SOCS6: variants seen among roughly 807,000 people sequenced by gnomAD.
SOCS6 encodes the protein STAT induced STAT inhibitor-4.
Under a neutral mutation model 27.7 loss-of-function variants are expected in SOCS6, and 5 were observed. That is an observed-to-expected ratio of 0.18 (90% confidence interval 0.09 to 0.38). The LOEUF is 0.38. Ranked by LOEUF, SOCS6 falls within the 10% of genes least tolerant of loss-of-function variation. The pLI is 1.00. For missense variants in SOCS6, 595 were observed against 688.1 expected (o/e 0.86, Z 1.51); for synonymous variants, 271 against 260.0 (o/e 1.04, Z -0.41).
chr18:70,312,053 T>C (rs1428471133), intron 1 of SOCS6, among the ~76,000 whole-genome samples: 1 of 152,262 alleles, frequency 6.6e-6, no homozygotes, highest in African/African-American at 2.4e-5. Context: ...TAGCCTAATA[T>C]AAGCCAGACA....
At position 70,328,544 on chromosome 18, in the gene SOCS6, A is replaced by G. The variant is rs1176751373; in HGVS notation, c.*2268A>G. ...ATTGTATTTTGTGTTTTAGTGGAGG[A>G]CAGTCTTGATACTGTTCTAATTCAG... is the stretch of plus-strand genomic sequence containing the variant. On this transcript the variant is annotated 3_prime_UTR_variant, in exon 2 of 2. Coordinates refer to ENST00000397942, the MANE Select transcript of SOCS6 (RefSeq NM_004232.4). The G allele has an allele frequency of 1.2e-5, 2 of 166,930 alleles. No homozygotes were observed. The highest frequency in any genetic ancestry group is 2.9e-5 in the Non-Finnish European group (2 of 68,114). The allele number at this position is 166,930 out of a possible 1,614,324, so 10.3% of individuals were successfully genotyped here.
chr18:70,320,953 A>G (rs919695409), intron 1 of SOCS6, among the ~76,000 whole-genome samples: 1 of 152,208 alleles, frequency 6.6e-6, no homozygotes, highest in Non-Finnish European at 1.5e-5. Context: ...TTATGTTAAC[A>G]TGTAATGAGT....
chr18:70,326,059 A>T lies in SOCS6; in HGVS notation c.1391A>T (p.Asp464Val), dbSNP rs957003320. The change falls in exon 2 of 2, where the codon GAC (aspartate) becomes GTC (valine). Residue 464 changes from aspartate (D) to valine (V), a missense_variant. Coordinates refer to ENST00000397942, the MANE Select transcript of SOCS6 (RefSeq NM_004232.4). The part of the protein sequence containing the change: ...IVDLIEHSIR[D>V]SENGAFCYSR... ...GATCTAATTGAGCATTCAATCAGGG[A>T]CTCTGAAAATGGAGCTTTTTGTTAT... The T allele has an allele frequency of 5.6e-6, 9 of 1,614,030 alleles. No homozygotes were observed. The highest frequency in any genetic ancestry group is 7.6e-6 in the Non-Finnish European group (9 of 1,180,018).
At chr18:70,310,421 A>G (rs959395923) in intron 1 of SOCS6, among the ~76,000 whole-genome samples, 7 of 145,862 alleles carry the variant, frequency 4.8e-5, no homozygotes, top group African/African-American at 1.8e-4. Flanking sequence ...AGCTGGGACT[A>G]TAGGTATTCG....
chr18:70,321,486 A>ATTTTTTTTTTTTTTTTTTTTTTTTT (rs765150837), intron 1 of SOCS6, among the ~76,000 whole-genome samples: 1 of 112,660 alleles, frequency 8.9e-6, no homozygotes, highest in African/African-American at 3.6e-5. Context: ...ATGCCTGGCT[A>ATTTTTTTTTTTTTTTTTTTTTTTTT]TTTTTTTTTT....
At chr18:70,289,515 C>T (rs1178257098) in intron 1 of SOCS6, among the ~76,000 whole-genome samples, 1 of 147,154 alleles carries the variant, frequency 6.8e-6, no homozygotes, top group Non-Finnish European at 1.5e-5. Flanking sequence ...GAGGCCGGGG[C>T]TCCGCGAGGC....
At chr18:70,306,342 C>T (rs535084618) in intron 1 of SOCS6, among the ~76,000 whole-genome samples, 7 of 151,444 alleles carry the variant, frequency 4.6e-5, no homozygotes, top group Non-Finnish European at 8.8e-5. Flanking sequence ...GGTGTGGTGG[C>T]GCACGCTACT....
rs1490464567 is a variant in SOCS6 at position 70,325,005 on chromosome 18, T to C, written c.337T>C (p.Phe113Leu). 1.2e-6 allele frequency: 2 copies of C among 1,613,500 alleles called. No individual in the cohort carries two copies. Among genetic ancestry groups the C allele is most frequent in the Non-Finnish European group, 1.7e-6 (2 of 1,179,770 alleles). The change falls in exon 2 of 2, where the codon TTT (phenylalanine) becomes CTT (leucine). Residue 113 changes from phenylalanine to leucine, a missense_variant. By Grantham distance (22) the Phe-to-Leu change is conservative (BLOSUM62 0). This residue lies in a region of SOCS6 where 467 missense variants were observed against 481.1 expected (regional missense o/e 0.97). Coordinates refer to ENST00000397942, the MANE Select transcript of SOCS6 (RefSeq NM_004232.4). The surrounding 1 kb of genome is among the most constrained non-coding windows in gnomAD (Gnocchi z 6.3). ...CTCCTCCTCCTCAGCACCCATAGTCTTTAAAGACGTGAGAGCTCAGAGGCC... is the reference window on the plus strand; with the variant it reads ...CTCCTCCTCCTCAGCACCCATAGTCCTTAAAGACGTGAGAGCTCAGAGGCC... ...TFSSSSAPIV[F>L]KDVRAQRPIR...
At chr18:70,293,724 CAAAA>C (rs575116411) in intron 1 of SOCS6, among the ~76,000 whole-genome samples, 1 of 142,908 alleles carries the variant, frequency 7.0e-6, no homozygotes, top group Admixed American at 7.0e-5. Context: ...TAGATTAAAA[CAAAA>C]AAAAAAACTT....
chr18:70,319,336 CT>C (rs1431351316), intron 1 of SOCS6, among the ~76,000 whole-genome samples: 1 of 152,106 alleles, frequency 6.6e-6, no homozygotes, highest in African/African-American at 2.4e-5. Context: ...ACGCTATTAA[CT>C]TTTTATGTGG....
At chr18:70,290,771 T>G (rs1001104001) in intron 1 of SOCS6, among the ~76,000 whole-genome samples, 1 of 151,592 alleles carries the variant, frequency 6.6e-6, no homozygotes, top group African/African-American at 2.4e-5. Flanking sequence ...TTTTTAGAAC[T>G]CCATTCAGCA....
rs541699520 is a variant in SOCS6, at chr18:70,294,870, C to G, written c.-127+5780C>G. On this transcript the variant is annotated intron_variant, in intron 1 of 1. Transcript: ENST00000397942. ...TTTGTTCTGATACTGTTTTATCACT[C>G]CTAACAGCGAACACACTAAAATACT... Among the ~76,000 whole-genome samples, 34 of 152,306 alleles carry G rather than the reference C, an allele frequency of 2.2e-4. No individual in the cohort carries two copies. In the South Asian group the frequency reaches 5.6e-3, roughly 25 times the overall value.
Position 70,326,110 on chromosome 18 carries a change from C to T in SOCS6, c.1442C>T (p.Ala481Val), listed in dbSNP as rs775996519. The change falls in exon 2 of 2, where the codon GCA becomes GTA. Residue 481 changes from alanine to valine, a missense_variant. By Grantham distance (64) the Ala-to-Val change is moderately conservative. This residue lies in a region of SOCS6 where 128 missense variants were observed against 207.0 expected (regional missense o/e 0.62). Coordinates refer to ENST00000397942, the MANE Select transcript of SOCS6 (RefSeq NM_004232.4). ...CYSRSRLPGS[A>V]TYPVRLTNPV... The stretch of plus-strand genomic sequence containing the variant: ...TCAAGGTCTCGGCTGCCTGGATCTG[C>T]AACTTACCCCGTCAGACTGACCAAC... 6.2e-7 allele frequency: 1 copy of T among 1,614,208 alleles called. No homozygotes were observed. Among genetic ancestry groups the T allele is most frequent in the South Asian group, 1.1e-5 (1 of 91,092 alleles).
chr18:70,305,510 C>G (rs1010405731), intron 1 of SOCS6, among the ~76,000 whole-genome samples: 1 of 152,202 alleles, frequency 6.6e-6, no homozygotes, highest in South Asian at 2.1e-4. Context: ...TAAGCACTTT[C>G]GAAATTGGAT....
intron 1 of SOCS6, among the ~76,000 whole-genome samples, chr18:70,317,419 GGTGTGT>G (rs139320786): frequency 1.6e-4 from 23 of 148,084 alleles, no homozygotes; most frequent in African/African-American, 1.2e-4. Context: ...AGTATTCCAT[GGTGTGT>G]GTGTGTGTGT....
At chr18:70,318,938 CAAAAA>C (rs891227748) in intron 1 of SOCS6, among the ~76,000 whole-genome samples, 2 of 141,336 alleles carry the variant, frequency 1.4e-5, no homozygotes, top group Non-Finnish European at 3.1e-5. Flanking sequence ...TTCCGTCTCA[CAAAAA>C]AAAGAAAAGA....
At chr18:70,290,490 C>T (rs761153494) in intron 1 of SOCS6, among the ~76,000 whole-genome samples, 3 of 152,200 alleles carry the variant, frequency 2.0e-5, no homozygotes, top group Non-Finnish European at 2.9e-5. Flanking sequence ...TAATACTTTT[C>T]CGTGGGCTTT....
At position 70,292,469 on chromosome 18, in the gene SOCS6, C is replaced by T. The variant is rs189510822; in HGVS notation, c.-127+3379C>T. ...GATCTTCTTGCCTCAGCACCCCCTCCGCCAGTTGTTGGGACCACAAGTGCA... is the reference window on the plus strand; with the variant it reads ...GATCTTCTTGCCTCAGCACCCCCTCTGCCAGTTGTTGGGACCACAAGTGCA... On this transcript the variant is annotated intron_variant, in intron 1 of 1. Transcript: ENST00000397942. 5.3e-5 allele frequency among the ~76,000 whole-genome samples: 8 copies of T among 152,286 alleles called. No homozygotes were observed. The South Asian group carries it at 1.2e-3, about 24-fold the overall frequency.
At chr18:70,302,771 TA>T (rs5826006) in intron 1 of SOCS6, among the ~76,000 whole-genome samples, 63,080 of 150,640 alleles carry the variant, frequency 0.42, 13,855 homozygotes, top group East Asian at 0.76. Flanking sequence ...TACACCAGTA[TA>T]AAAAAAAAAT....
Sources: gnomAD v4.1 joint callset for allele counts (sites outside exome capture counted in the v4.1 genomes callset) on GRCh38, gnomAD v4.1.1 for gene constraint, gnomAD v4.1.1 regional missense constraint, Gnocchi (gnomAD v3.1) non-coding constraint, MANE v1.5 for transcripts, NCBI Gene and HGNC (gene_info 2026-07-23, HGNC 2026-07-21) for gene names.